GPC5: variants seen among roughly 807,000 people sequenced by gnomAD.
The protein encoded by GPC5 is glypican-5.
GPC5 carries 47 observed loss-of-function variants against 53.9 expected under a neutral mutation model. That is an observed-to-expected ratio of 0.87 (90% CI 0.69 to 1.11). The LOEUF is 1.11. Ranked by LOEUF, GPC5 falls within the 50% of genes most tolerant of loss-of-function variation. GPC5 has a pLI of 0.00. For synonymous variants in GPC5, 286 were observed against 263.3 expected, an observed-to-expected ratio of 1.09 and a Z score of -0.84; for missense variants, 748 against 713.1, an observed-to-expected ratio of 1.05 and a Z score of -0.56.
intron 7 of GPC5, among the ~76,000 whole-genome samples, chr13:92,569,884 A>G (rs1295795078): frequency 6.6e-6 from 1 of 152,210 alleles, no homozygotes; most frequent in Non-Finnish European, 1.5e-5. Flanking sequence ...TTTAAAATAT[A>G]AACAGTTACA....
intron 7 of GPC5, among the ~76,000 whole-genome samples, chr13:92,439,207 C>A (rs1368728176): frequency 6.6e-6 from 1 of 152,072 alleles, no homozygotes; most frequent in Non-Finnish European, 1.5e-5. Flanking sequence ...AGAAATAACT[C>A]CCATATCTAG....
chr13:91,977,038 CAATAAATAAATAAATA>C (rs138005450), intron 6 of GPC5, among the ~76,000 whole-genome samples: 3,518 of 141,786 alleles, frequency 0.025, 135 homozygotes, highest in African/African-American at 0.085. Context: ...GATTCTGTCT[CAATAAATAAATAAATA>C]AATAAATAAA....
intron 7 of GPC5, among the ~76,000 whole-genome samples, chr13:92,512,992 A>G (rs895593453): frequency 1.3e-5 from 2 of 152,204 alleles, no homozygotes; most frequent in African/African-American, 4.8e-5. Flanking sequence ...TAACAGCCAC[A>G]TTGCTACATC....
intron 6 of GPC5, among the ~76,000 whole-genome samples, chr13:91,969,856 A>G (rs948802644): frequency 6.6e-6 from 1 of 152,182 alleles, no homozygotes; most frequent in Non-Finnish European, 1.5e-5. Flanking sequence ...CAAAAAAACA[A>G]AAAAAGGATT....
chr13:92,287,844 A>T (rs990201396), intron 7 of GPC5, among the ~76,000 whole-genome samples: 29 of 151,694 alleles, frequency 1.9e-4, no homozygotes, highest in Non-Finnish European at 3.7e-4. Context: ...TTCTTTAAGT[A>T]TTTTTTTCAG....
intron 7 of GPC5, among the ~76,000 whole-genome samples, chr13:92,581,297 G>A (rs1883360153): frequency 6.6e-6 from 1 of 151,970 alleles, no homozygotes; most frequent in East Asian, 1.9e-4. Context: ...TTTATACTCT[G>A]CATGTAAGCA....
intron 7 of GPC5, among the ~76,000 whole-genome samples, chr13:92,287,887 T>C (rs1194433169): frequency 1.3e-5 from 2 of 152,116 alleles, no homozygotes; most frequent in African/African-American, 4.8e-5. Flanking sequence ...AGTCCCATAA[T>C]ACATACACTG....
intron 6 of GPC5, among the ~76,000 whole-genome samples, chr13:92,136,673 CT>C: frequency 6.6e-6 from 1 of 152,144 alleles, no homozygotes; most frequent in Admixed American, 6.5e-5. Flanking sequence ...TGTATACTGT[CT>C]TAAAGCATAT....
intron 5 of GPC5, among the ~76,000 whole-genome samples, chr13:91,834,689 C>A (rs2038703198): frequency 6.6e-6 from 1 of 152,074 alleles, no homozygotes. Flanking sequence ...AACTGGCTAG[C>A]CATATGCAGA....
chr13:92,544,037 C>T (rs1185966737), intron 7 of GPC5, among the ~76,000 whole-genome samples: 1 of 151,734 alleles, frequency 6.6e-6, no homozygotes, highest in Non-Finnish European at 1.5e-5. Flanking sequence ...ATAGAAGTAC[C>T]CTTGATATAG....
At chr13:91,579,721 T>A (rs905836389) in intron 2 of GPC5, among the ~76,000 whole-genome samples, 2 of 143,300 alleles carry the variant, frequency 1.4e-5, no homozygotes, top group Non-Finnish European at 3.0e-5. Flanking sequence ...TTCTGCCCCC[T>A]GGGTTCAAGA....
intron 6 of GPC5, among the ~76,000 whole-genome samples, chr13:92,006,350 G>A (rs2040606680): frequency 6.6e-6 from 1 of 152,148 alleles, no homozygotes; most frequent in African/African-American, 2.4e-5. Flanking sequence ...TGAAATGTGA[G>A]ATTACTTCCT....
chr13:91,903,615 G>A (rs2039521618), intron 5 of GPC5, among the ~76,000 whole-genome samples: 1 of 152,038 alleles, frequency 6.6e-6, no homozygotes, highest in South Asian at 2.1e-4. Flanking sequence ...GAGAATAACT[G>A]ATTTTATTAA....
intron 5 of GPC5, among the ~76,000 whole-genome samples, chr13:91,800,414 A>T (rs1437781294): frequency 6.6e-6 from 1 of 152,054 alleles, no homozygotes; most frequent in African/African-American, 2.4e-5. Flanking sequence ...AAAGGTCAGG[A>T]GTCTAAAATA....
intron 2 of GPC5, among the ~76,000 whole-genome samples, chr13:91,501,240 GT>G (rs140865584): frequency 0.043 from 4,629 of 106,452 alleles, 145 homozygotes; most frequent in African/African-American, 0.12. Context: ...TTAAGACTTT[GT>G]TTTTTTTTTT....
chr13:92,549,884 TACACACACAC>T (rs34914341), intron 7 of GPC5, among the ~76,000 whole-genome samples: 88 of 140,888 alleles, frequency 6.2e-4, no homozygotes, highest in African/African-American at 1.9e-3. Context: ...AACACACACA[TACACACACAC>T]ACACACACAC....
At chr13:91,989,913 G>A (rs567203603) in intron 6 of GPC5, among the ~76,000 whole-genome samples, 97 of 152,148 alleles carry the variant, frequency 6.4e-4, no homozygotes, top group African/African-American at 2.2e-3. Context: ...CAAAGAAAAT[G>A]TGAGGATAAG....
intron 6 of GPC5, among the ~76,000 whole-genome samples, chr13:92,004,461 T>A (rs966086414): frequency 9.7e-5 from 4 of 41,372 alleles, no homozygotes; most frequent in African/African-American, 2.3e-4. Flanking sequence ...AAAAAAATTA[T>A]ATATATATAT....
intron 2 of GPC5, among the ~76,000 whole-genome samples, chr13:91,565,606 T>G (rs1216409091): frequency 2.0e-5 from 3 of 152,214 alleles, no homozygotes; most frequent in Non-Finnish European, 4.4e-5. Flanking sequence ...TAACCAGACA[T>G]GTACTTACAG....
Sources: allele counts gnomAD v4.1 joint callset (sites outside exome capture counted in the v4.1 genomes callset), GRCh38; gene constraint gnomAD v4.1.1; transcripts MANE v1.5; gene names NCBI Gene and HGNC (gene_info 2026-07-23, HGNC 2026-07-21).